The following GRIK2 variants were observed in gnomAD, a reference collection of about 807,000 sequenced individuals.
GRIK2 encodes the protein glutamate receptor ionotropic, kainate 2.
Under a neutral mutation model 100.3 loss-of-function variants are expected in GRIK2, and 32 were observed. That is an observed-to-expected ratio of 0.32 (90% CI 0.24 to 0.43). The LOEUF (loss-of-function observed/expected upper bound fraction) is 0.43. GRIK2 is among the 20% of genes least tolerant of loss of function. The pLI, the probability that GRIK2 is intolerant of heterozygous loss-of-function variation, is 1.00. For missense variants in GRIK2, 843 were observed against 1,114.9 expected, an observed-to-expected ratio of 0.76 and a Z score of 3.47; for synonymous variants, 417 against 389.4, an observed-to-expected ratio of 1.07 and a Z score of -0.83.
intron 14 of GRIK2, among the ~76,000 whole-genome samples, chr6:101,970,700 G>T (rs1792992311): frequency 2.1e-5 from 3 of 144,246 alleles, no homozygotes; most frequent in African/African-American, 8.8e-5. Context: ...ATTTACAGAT[G>T]TGAACATCTG....
intron 2 of GRIK2, among the ~76,000 whole-genome samples, chr6:101,435,983 A>G (rs1769693836): frequency 1.3e-5 from 2 of 152,078 alleles, no homozygotes; most frequent in Admixed American, 6.6e-5. Context: ...TTTATTTCAT[A>G]TGGAAATATT....
chr6:101,639,635 T>C lies in GRIK2; in HGVS notation c.541+12998T>C, dbSNP rs2245892. ...ACATACATACATACATACACACAGT[T>C]TTCTGTTTTCTGGGACCTAATATTT... On this transcript the variant is annotated intron_variant, in intron 4 of 16. Coordinates refer to ENST00000369134, the MANE Select transcript of GRIK2 (RefSeq NM_021956.5). Among the ~76,000 whole-genome samples the C allele has an allele frequency of 2.7e-3, 404 of 150,768 alleles. 2 individuals are homozygous for C. The highest frequency in any genetic ancestry group is 9.7e-3 in the African/African-American group (395 of 40,892).
chr6:101,429,869 G>A (rs1276788200), intron 2 of GRIK2, among the ~76,000 whole-genome samples: 5 of 152,088 alleles, frequency 3.3e-5, no homozygotes, highest in African/African-American at 1.2e-4. Context: ...AAATTTACAG[G>A]TATTAATGCA....
intron 14 of GRIK2, among the ~76,000 whole-genome samples, chr6:101,944,159 C>T (rs1460208893): frequency 1.3e-5 from 2 of 152,178 alleles, no homozygotes; most frequent in African/African-American, 4.8e-5. Context: ...TAAGGCATGT[C>T]TTGCTTCCCC....
chr6:101,722,453 T>TA (rs1179075482), intron 7 of GRIK2, among the ~76,000 whole-genome samples: 2 of 152,108 alleles, frequency 1.3e-5, no homozygotes, highest in African/African-American at 2.4e-5. Flanking sequence ...TGTTTATACT[T>TA]ACGTCTTTCA....
chr6:102,038,260 TGA>T (rs1216394079), intron 15 of GRIK2, among the ~76,000 whole-genome samples: 2 of 151,434 alleles, frequency 1.3e-5, no homozygotes, highest in Admixed American at 6.6e-5. Context: ...AAAGTAGTTA[TGA>T]GAGGTGGAAG....
At chr6:102,058,233 C>T (rs1008318215) in intron 16 of GRIK2, among the ~76,000 whole-genome samples, 3 of 151,570 alleles carry the variant, frequency 2.0e-5, no homozygotes, top group Non-Finnish European at 4.4e-5. Context: ...GTATGGGTGC[C>T]TTTTCACATA....
rs1007458587 is a variant in GRIK2, at chr6:101,957,475, A to C, written c.2085+28843A>C. Among the ~76,000 whole-genome samples, 4 of 151,078 alleles carry C rather than the reference A, an allele frequency of 2.6e-5. No homozygotes were observed. In the South Asian group the frequency reaches 6.2e-4, roughly 24 times the overall value. On this transcript the variant is annotated intron_variant, in intron 14 of 16. Transcript: ENST00000369134. Reference sequence around the variant, plus strand: ...TTGATTGTGATTTTCTTATTTATTTATTTTTATTATTTATTTATTTATTTA... The same window carrying C: ...TTGATTGTGATTTTCTTATTTATTTCTTTTTATTATTTATTTATTTATTTA...
intron 2 of GRIK2, among the ~76,000 whole-genome samples, chr6:101,419,982 A>T (rs1776335210): frequency 6.6e-6 from 1 of 152,236 alleles, no homozygotes; most frequent in Non-Finnish European, 1.5e-5. Flanking sequence ...AACACATAAA[A>T]GAATATGCTG....
At chr6:101,516,995 T>A (rs1287687384) in intron 2 of GRIK2, among the ~76,000 whole-genome samples, 1 of 152,158 alleles carries the variant, frequency 6.6e-6, no homozygotes, top group Non-Finnish European at 1.5e-5. Flanking sequence ...GGGCAAATTC[T>A]CAGGTCACTA....
intron 7 of GRIK2, among the ~76,000 whole-genome samples, chr6:101,760,884 C>G (rs1456765199): frequency 6.6e-6 from 1 of 150,726 alleles, no homozygotes; most frequent in African/African-American, 2.4e-5. Context: ...TTTTTCATCT[C>G]TTGACTTTGA....
chr6:101,488,614 T>C (rs964785622), intron 2 of GRIK2, among the ~76,000 whole-genome samples: 4 of 146,698 alleles, frequency 2.7e-5, no homozygotes, highest in Non-Finnish European at 4.5e-5. Context: ...CCAATTTTGC[T>C]TTTGCCATAA....
chr6:101,426,321 G>A (rs190196998), intron 2 of GRIK2, among the ~76,000 whole-genome samples: 3 of 152,192 alleles, frequency 2.0e-5, no homozygotes, highest in Admixed American at 2.0e-4. Flanking sequence ...TAACCAACAT[G>A]GTTATGGGGA....
chr6:101,670,140 TA>T (rs989527601), intron 4 of GRIK2, among the ~76,000 whole-genome samples: 2 of 151,916 alleles, frequency 1.3e-5, no homozygotes, highest in Admixed American at 6.6e-5. Context: ...CTTTTGTACT[TA>T]AAAAAAATGC....
intron 2 of GRIK2, among the ~76,000 whole-genome samples, chr6:101,545,394 G>C (rs955501050): frequency 3.3e-5 from 5 of 152,108 alleles, no homozygotes; most frequent in African/African-American, 1.2e-4. Context: ...TTTCCAGTTT[G>C]AGTCATCTAA....
chr6:101,859,447 A>G lies in GRIK2; in HGVS notation c.1478A>G (p.Asp493Gly). ...VEDGKYGAQDDANGQWNGMVR... is the reference protein window; with the variant it reads ...VEDGKYGAQDGANGQWNGMVR... The stretch of plus-strand genomic sequence containing the variant: ...GATGGGAAATATGGAGCCCAGGATG[A>G]TGCCAATGGACAATGGAATGGAATG... The change falls in exon 11 of 17, where the codon GAT (aspartate) becomes GGT (glycine). Residue 493 changes from aspartate (D) to glycine (G), a missense_variant. Coordinates refer to ENST00000369134, the MANE Select transcript of GRIK2 (RefSeq NM_021956.5). The G allele has an allele frequency of 6.2e-7, 1 of 1,610,028 alleles. No individual in the cohort carries two copies. Among genetic ancestry groups the G allele is most frequent in the Non-Finnish European group, 8.5e-7 (1 of 1,176,676 alleles).
chr6:102,060,832 T>C (rs1771712049), intron 16 of GRIK2, among the ~76,000 whole-genome samples: 2 of 150,702 alleles, frequency 1.3e-5, no homozygotes, highest in South Asian at 2.1e-4. Context: ...TAATATCATA[T>C]TACTTTTTCT....
intron 4 of GRIK2, among the ~76,000 whole-genome samples, chr6:101,669,584 G>C (rs1770279024): frequency 6.6e-6 from 1 of 152,074 alleles, no homozygotes; most frequent in African/African-American, 2.4e-5. Flanking sequence ...GTTGCAAAGA[G>C]AAGACATGGC....
At chr6:101,791,973 G>T (rs1779899104) in intron 7 of GRIK2, among the ~76,000 whole-genome samples, 2 of 151,838 alleles carry the variant, frequency 1.3e-5, no homozygotes, top group Non-Finnish European at 2.9e-5. Flanking sequence ...GGCCTTCTTT[G>T]TCTCTTTTGA....
Sources: allele counts gnomAD v4.1 joint callset (sites outside exome capture counted in the v4.1 genomes callset), GRCh38; gene constraint gnomAD v4.1.1; transcripts MANE v1.5; gene names NCBI Gene and HGNC (gene_info 2026-07-23, HGNC 2026-07-21).